Variants in SYNE1 observed in about 807,000 individuals in gnomAD.
The protein encoded by SYNE1 is spectrin repeat containing nuclear envelope protein 1.
In SYNE1, 616 loss-of-function variants were observed where a neutral mutation model predicts 1,111.0. The ratio of observed to expected loss-of-function variants is 0.55; its 90% CI spans 0.52 to 0.59. The LOEUF is 0.59. SYNE1 is among the 20% of genes least tolerant of loss of function. The pLI is 0.00. For synonymous variants in SYNE1, 3,855 were observed against 3,825.8 expected, an observed-to-expected ratio of 1.01 and a Z score of -0.28; for missense variants, 10,006 against 10,417.0, an observed-to-expected ratio of 0.96 and a Z score of 1.72.
chr6:152,492,303 G>A (rs1310711831), intron 11 of SYNE1, among the ~76,000 whole-genome samples: 1 of 152,160 alleles, frequency 6.6e-6, no homozygotes, highest in Non-Finnish European at 1.5e-5. Flanking sequence ...AATCAATCTC[G>A]CCTTCAAGGT....
At chr6:152,255,346 C>T (rs1588850190) in intron 103 of SYNE1, among the ~76,000 whole-genome samples, 2 of 152,070 alleles carry the variant, frequency 1.3e-5, no homozygotes, top group South Asian at 2.1e-4. Flanking sequence ...GCATGTGTTT[C>T]GTATTTGGAA....
chr6:152,307,915 C>T (rs1031283054), intron 91 of SYNE1, among the ~76,000 whole-genome samples: 14 of 152,160 alleles, frequency 9.2e-5, no homozygotes, highest in Admixed American at 6.5e-5. Context: ...TCACTGCAAC[C>T]TCTGCATCCT....
chr6:152,539,047 G>A (rs900762776), intron 4 of SYNE1, among the ~76,000 whole-genome samples: 1 of 152,060 alleles, frequency 6.6e-6, no homozygotes, highest in African/African-American at 2.4e-5. Flanking sequence ...ATGGCTTTGG[G>A]GAAGCCCCTG....
intron 32 of SYNE1, among the ~76,000 whole-genome samples, chr6:152,438,267 GA>G (rs1217593763): frequency 6.6e-6 from 1 of 152,086 alleles, no homozygotes; most frequent in African/African-American, 2.4e-5. Context: ...AATATAATCA[GA>G]AGTGAAAAAT....
intron 3 of SYNE1, among the ~76,000 whole-genome samples, chr6:152,619,956 G>C (rs2099671707): frequency 6.6e-6 from 1 of 152,174 alleles, no homozygotes; most frequent in African/African-American, 2.4e-5. Flanking sequence ...GTGAATTTCT[G>C]AGCATCTTGA....
chr6:152,346,670 C>A (rs965031202), intron 73 of SYNE1, among the ~76,000 whole-genome samples: 2 of 151,832 alleles, frequency 1.3e-5, no homozygotes, highest in Non-Finnish European at 2.9e-5. Context: ...ATTAGCCAGG[C>A]GTGGTGGCGG....
At chr6:152,308,407 C>G in intron 91 of SYNE1, 82 bp downstream of exon 91, 2 of 1,593,446 alleles carry the variant, frequency 1.3e-6, no homozygotes, top group East Asian at 2.2e-5. Context: ...GGAAACTGTT[C>G]TCTTCCATTC....
chr6:152,367,469 AG>A (rs2097101769), intron 61 of SYNE1, 87 bp from the exon 62 acceptor site: 1 of 1,504,946 alleles, frequency 6.6e-7, no homozygotes, highest in Admixed American at 1.7e-5. Context: ...AAAGGCAATC[AG>A]TCATGGCTTC....
chr6:152,362,099 ATT>A, intron 64 of SYNE1, 69 bp downstream of exon 64: 19 of 1,611,422 alleles, frequency 1.2e-5, no homozygotes, highest in Non-Finnish European at 1.5e-5. Flanking sequence ...ACGTAATCCC[ATT>A]TTTGTCTGAC....
Position 152,419,606 on chromosome 6 carries a change from C to T in SYNE1, c.5384G>A (p.Ser1795Asn), listed in dbSNP as rs2098221381. 1 of 1,612,900 alleles carries T rather than the reference C, an allele frequency of 6.2e-7. No individual in the cohort carries two copies. ...LSELQTTSEI[S>N]IMDHQVALTR... ...AAGGGCTACTTGATGGTCCATTATG[C>T]TAATCTCAGAGGTAGTTTGTAATTC... Residue 1795 changes from serine (S) to asparagine (N), a missense_variant, in exon 40 of 146, where the codon AGC becomes AAC. Around this residue, in one of 7 missense-constraint regions of SYNE1, gnomAD observed 4,955 missense variants for 5,017.2 expected, o/e 0.99. Transcript: ENST00000367255.
chr6:152,331,883 C>T lies in SYNE1; in HGVS notation c.12802G>A (p.Ala4268Thr). The T allele has an allele frequency of 1.9e-6, 3 of 1,611,688 alleles. No homozygotes were observed. Among genetic ancestry groups the T allele is most frequent in the South Asian group, 1.1e-5 (1 of 91,080 alleles). Reference sequence around the variant, plus strand: ...TCCAGGTGGACAGCTGTACTCTCTGCATCAGATCTGAAAATACATGGAAAG... The same window carrying T: ...TCCAGGTGGACAGCTGTACTCTCTGTATCAGATCTGAAAATACATGGAAAG... ...TEWDNLARSD[A>T]ESTAVHLEAL... Residue 4268 changes from alanine (A) to threonine (T), a missense_variant, in exon 78 of 146, where the codon GCA becomes ACA. Ala to Thr is a moderately conservative substitution (Grantham distance 58). Coordinates refer to ENST00000367255, the MANE Select transcript of SYNE1 (RefSeq NM_182961.4).
At chr6:152,339,444 C>T (rs979154701) in intron 74 of SYNE1, 78 bp from the exon 75 acceptor site, 2 of 1,577,768 alleles carry the variant, frequency 1.3e-6, no homozygotes, top group African/African-American at 2.7e-5. Context: ...TTGGAATATT[C>T]TGTTGACATT....
At chr6:152,264,458 A>C (rs2092464035) in intron 100 of SYNE1, among the ~76,000 whole-genome samples, 1 of 152,092 alleles carries the variant, frequency 6.6e-6, no homozygotes, top group Non-Finnish European at 1.5e-5. Context: ...ATAAATGTAA[A>C]CACAACAGTG....
At chr6:152,237,583 G>A (rs977220330) in intron 108 of SYNE1, among the ~76,000 whole-genome samples, 3 of 152,070 alleles carry the variant, frequency 2.0e-5, no homozygotes, top group African/African-American at 4.8e-5. Context: ...CCAAAGTGCT[G>A]GGATTACAGG....
intron 95 of SYNE1, among the ~76,000 whole-genome samples, chr6:152,285,750 C>T (rs1239041242): frequency 6.6e-6 from 1 of 152,188 alleles, no homozygotes; most frequent in East Asian, 1.9e-4. Context: ...CCACCCAATC[C>T]TAAGAAAATC....
At chr6:152,391,112 G>A (rs1049276829) in intron 52 of SYNE1, among the ~76,000 whole-genome samples, 165 bp downstream of exon 52, 2 of 152,006 alleles carry the variant, frequency 1.3e-5, no homozygotes, top group African/African-American at 4.8e-5. Context: ...TCTTACAAAG[G>A]GGAAAAATGA....
At chr6:152,369,258 A>G (rs1394796130) in intron 60 of SYNE1, 131 bp from the exon 61 acceptor site, 6 of 1,360,110 alleles carry the variant, frequency 4.4e-6, no homozygotes, top group Non-Finnish European at 4.1e-6. Context: ...ATTATCTCCA[A>G]TCTACACACC....
chr6:152,510,077 A>G, intron 8 of SYNE1, 116 bp downstream of exon 8: 1 of 1,076,602 alleles, frequency 9.3e-7, no homozygotes, highest in Non-Finnish European at 1.4e-6. Flanking sequence ...TAAGCGCTAA[A>G]GCAAAGCCAT....
chr6:152,403,335 C>T (rs1237237139), intron 46 of SYNE1, among the ~76,000 whole-genome samples: 2 of 152,082 alleles, frequency 1.3e-5, no homozygotes, highest in Non-Finnish European at 2.9e-5. Context: ...TCTGAAGGGC[C>T]GTGAAGGGAG....
Sources: allele counts gnomAD v4.1 joint callset (sites outside exome capture counted in the v4.1 genomes callset), GRCh38; gene constraint gnomAD v4.1.1; regional missense constraint gnomAD v4.1.1; transcripts MANE v1.5; gene names NCBI Gene and HGNC (gene_info 2026-07-23, HGNC 2026-07-21).